The following TENM4 variants were observed in gnomAD, a reference collection of about 807,000 sequenced individuals.
TENM4 encodes the protein teneurin-4.
A neutral mutation model predicts 243.3 loss-of-function variants in TENM4; 82 were observed. The observed-to-expected ratio is 0.34, with a 90% confidence interval of 0.28 to 0.40. TENM4 has a LOEUF of 0.40. Ranked by LOEUF, TENM4 falls within the 10% of genes least tolerant of loss-of-function variation. The probability of loss-of-function intolerance (pLI) is 1.00; values close to 1 mark genes in which losing one functional copy is unlikely to be tolerated. For missense variants in TENM4, 3,138 were observed against 3,673.3 expected (o/e 0.85, Z 3.77); for synonymous variants, 1,412 against 1,456.3 (o/e 0.97, Z 0.69).
chr11:79,325,513 C>T (rs780800013), intron 1 of TENM4, among the ~76,000 whole-genome samples: 52 of 152,312 alleles, frequency 3.4e-4, no homozygotes, highest in Non-Finnish European at 6.6e-4. Flanking sequence ...GCTGTGTGAG[C>T]ATGTGAGCAT....
At chr11:78,709,031 G>C (rs779236815) in intron 26 of TENM4, among the ~76,000 whole-genome samples, 1 of 147,524 alleles carries the variant, frequency 6.8e-6, no homozygotes, top group African/African-American at 2.5e-5. Flanking sequence ...GCAGTGGCGC[G>C]ATCTCGGCTC....
chr11:79,058,543 C>CA (rs58082527), intron 6 of TENM4, among the ~76,000 whole-genome samples: 19,212 of 102,172 alleles, frequency 0.19, 3,229 homozygotes, highest in African/African-American at 0.47. Context: ...GACTCCATCT[C>CA]AAAAAAAAAA....
intron 1 of TENM4, among the ~76,000 whole-genome samples, chr11:79,317,332 T>C (rs75631297): frequency 5.1e-4 from 77 of 152,306 alleles, no homozygotes; most frequent in African/African-American, 1.8e-3. Flanking sequence ...ACACTTTCAC[T>C]TTAATAAAAA....
At chr11:79,008,104 G>A (rs1433568511) in intron 6 of TENM4, among the ~76,000 whole-genome samples, 1 of 152,194 alleles carries the variant, frequency 6.6e-6, no homozygotes, top group African/African-American at 2.4e-5. Flanking sequence ...GAAGCGCCAA[G>A]CTGGAACGTG....
At chr11:78,889,338 A>C (rs548874560) in intron 9 of TENM4, among the ~76,000 whole-genome samples, 1 of 152,132 alleles carries the variant, frequency 6.6e-6, no homozygotes, top group Admixed American at 6.5e-5. Flanking sequence ...GTTTCCCTCC[A>C]AGCCCAGGGT....
At chr11:79,402,165 C>G (rs924411295) in intron 1 of TENM4, 11 of 315,158 alleles carry the variant, frequency 3.5e-5, no homozygotes, top group Middle Eastern at 4.1e-4. Flanking sequence ...TTCTGAAAAC[C>G]CCTGGGGCAG....
intron 15 of TENM4, among the ~76,000 whole-genome samples, chr11:78,795,502 G>C (rs1857142436): frequency 1.3e-5 from 2 of 152,128 alleles, no homozygotes; most frequent in African/African-American, 4.8e-5. Flanking sequence ...TTATAAAATG[G>C]TGATAATGAT....
chr11:79,127,510 C>T (rs1268145068), intron 4 of TENM4, among the ~76,000 whole-genome samples: 2 of 151,970 alleles, frequency 1.3e-5, no homozygotes, highest in African/African-American at 4.8e-5. Flanking sequence ...TTGGCAAATA[C>T]TTTTTTTTCC....
At chr11:78,745,500 G>C (rs553736095) in intron 19 of TENM4, among the ~76,000 whole-genome samples, 1 of 151,208 alleles carries the variant, frequency 6.6e-6, no homozygotes, top group East Asian at 2.0e-4. Flanking sequence ...AAAGTGGTAG[G>C]ATTACAGGCA....
chr11:79,239,059 A>C (rs1208485081), intron 2 of TENM4, among the ~76,000 whole-genome samples: 1 of 152,270 alleles, frequency 6.6e-6, no homozygotes, highest in East Asian at 1.9e-4. Flanking sequence ...AAAAAGAATT[A>C]GGTGCTCTCA....
chr11:79,119,452 C>G (rs145166072), intron 4 of TENM4, among the ~76,000 whole-genome samples: 27 of 152,152 alleles, frequency 1.8e-4, no homozygotes, highest in African/African-American at 6.0e-4. Context: ...TATCTGAAAA[C>G]AGTGGGAATG....
chr11:78,792,875 C>T (rs1315273478), intron 15 of TENM4, among the ~76,000 whole-genome samples: 1 of 152,186 alleles, frequency 6.6e-6, no homozygotes, highest in Non-Finnish European at 1.5e-5. Flanking sequence ...TCCTTACACC[C>T]ACAGACACAT....
At chr11:78,691,858 C>T (rs570173619) in intron 28 of TENM4, among the ~76,000 whole-genome samples, 2 of 152,264 alleles carry the variant, frequency 1.3e-5, no homozygotes, top group East Asian at 3.9e-4. Flanking sequence ...ATTGTAGTAC[C>T]TTCCAGAGCT....
intron 12 of TENM4, among the ~76,000 whole-genome samples, chr11:78,827,471 C>CTATTTATTTATTTATTTATT (rs55871470): frequency 4.1e-5 from 6 of 146,140 alleles, no homozygotes; most frequent in South Asian, 2.2e-4. Flanking sequence ...CCTTCAAAGC[C>CTATTTATTTATTTATTTATT]TATTTATTTA....
intron 1 of TENM4, among the ~76,000 whole-genome samples, chr11:79,346,190 T>A (rs1477241928): frequency 6.6e-6 from 1 of 152,130 alleles, no homozygotes; most frequent in African/African-American, 2.4e-5. Context: ...CTCCTCGCGA[T>A]GATGATCATT....
rs185789012 is a variant in TENM4 at position 79,161,662 on chromosome 11, A to G, written c.-162-12856T>C. Among the ~76,000 whole-genome samples the G allele has an allele frequency of 6.9e-4, 105 of 152,318 alleles. 1 individual carries two copies. Among genetic ancestry groups the G allele is most frequent in the African/African-American group, 2.4e-3 (98 of 41,570 alleles). The stretch of plus-strand genomic sequence containing the variant: ...GCCTCCAGAAGGAGCCACTTCGCCA[A>G]TACCTGGACTGCAGACTTTTAGCCT... On this transcript the variant is annotated intron_variant, in intron 3 of 33. Transcript: ENST00000278550.
rs565681461 is a variant in TENM4, at chr11:79,149,621, T to C, written c.-162-815A>G. ...CACTGTGGTAGGTGAATATGGTCTG[T>C]AGGATACTGACTCCTTGAAATTTAC... On this transcript the variant is annotated intron_variant, in intron 3 of 33. Coordinates refer to ENST00000278550, the MANE Select transcript of TENM4 (RefSeq NM_001098816.3). Among the ~76,000 whole-genome samples, 34 of 152,302 alleles carry C rather than the reference T, an allele frequency of 2.2e-4. 1 individual carries two copies. The South Asian group carries it at 7.0e-3, about 32-fold the overall frequency.
intron 1 of TENM4, among the ~76,000 whole-genome samples, chr11:79,361,234 G>A (rs1857583378): frequency 6.6e-6 from 1 of 152,332 alleles, no homozygotes; most frequent in Non-Finnish European, 1.5e-5. Context: ...GATCTCTGGT[G>A]TCTTTAGCTG....
At chr11:79,313,889 A>G (rs1414728346) in intron 1 of TENM4, among the ~76,000 whole-genome samples, 1 of 152,068 alleles carries the variant, frequency 6.6e-6, no homozygotes, top group African/African-American at 2.4e-5. Context: ...TCGATGTGAA[A>G]TCCTTCTGGT....
Sources: gnomAD v4.1 joint callset for allele counts (sites outside exome capture counted in the v4.1 genomes callset) on GRCh38, gnomAD v4.1.1 for gene constraint, MANE v1.5 for transcripts, NCBI Gene and HGNC (gene_info 2026-07-23, HGNC 2026-07-21) for gene names.